BRINP1: variants seen among roughly 807,000 people sequenced by gnomAD.
The protein encoded by BRINP1 is BMP/retinoic acid inducible neural specific 1.
In BRINP1, 17 loss-of-function variants were observed where a neutral mutation model predicts 72.9. That is an observed-to-expected ratio of 0.23 (90% CI 0.16 to 0.35). The LOEUF is 0.35. BRINP1 is among the 10% of genes least tolerant of loss of function. The probability of loss-of-function intolerance (pLI) is 1.00; values close to 1 mark genes in which losing one functional copy is unlikely to be tolerated. For synonymous variants in BRINP1, 418 were observed against 378.5 expected, an observed-to-expected ratio of 1.10 and a Z score of -1.21; for missense variants, 850 against 1,001.6, an observed-to-expected ratio of 0.85 and a Z score of 2.04.
rs1243787614 is a variant in BRINP1, at chr9:119,175,322, GA to G, written c.1146-7099del. ...CACTAGTAAGTGGGAGTTGAACAAT[GA>G]GAACACATGGACACAGGGAGGGGAA... On this transcript the variant is annotated intron_variant, in intron 7 of 7. Coordinates refer to ENST00000265922, the MANE Select transcript of BRINP1 (RefSeq NM_014618.3). Among the ~76,000 whole-genome samples the G allele has an allele frequency of 4.6e-5, 7 of 151,908 alleles. No homozygotes were observed. In the East Asian group the frequency reaches 9.7e-4, roughly 21 times the overall value.
chr9:119,178,538 A>G lies in BRINP1; in HGVS notation c.1146-10314T>C, dbSNP rs146774442. Among the ~76,000 whole-genome samples, 574 of 152,326 alleles carry G rather than the reference A, an allele frequency of 3.8e-3. 5 individuals carry two copies. Among genetic ancestry groups the G allele is most frequent in the African/African-American group, 0.013 (522 of 41,572 alleles). ...CCAGCCAGTTCTCTCAGTAGTTATC[A>G]TGGATAGTCATAAACTCTACAAGGT... On this transcript the variant is annotated intron_variant, in intron 7 of 7. Transcript: ENST00000265922.
intron 5 of BRINP1, among the ~76,000 whole-genome samples, chr9:119,218,195 C>A (rs1340433180): frequency 2.2e-5 from 3 of 139,262 alleles, no homozygotes; most frequent in Non-Finnish European, 4.5e-5. Flanking sequence ...ATTTGTTGAT[C>A]AAATAAATAT....
chr9:119,259,672 T>C (rs1830479745), intron 2 of BRINP1, among the ~76,000 whole-genome samples: 1 of 152,246 alleles, frequency 6.6e-6, no homozygotes, highest in African/African-American at 2.4e-5. Context: ...TATGAATTTT[T>C]TCCTTTCAGA....
At chr9:119,251,863 A>C (rs1830393037) in intron 2 of BRINP1, among the ~76,000 whole-genome samples, 1 of 151,996 alleles carries the variant, frequency 6.6e-6, no homozygotes, top group Admixed American at 6.6e-5. Flanking sequence ...ACTCGTTTCT[A>C]ATTAATAGAA....
intron 5 of BRINP1, among the ~76,000 whole-genome samples, chr9:119,225,115 A>G (rs892374810): frequency 6.6e-6 from 1 of 152,088 alleles, no homozygotes; most frequent in African/African-American, 2.4e-5. Context: ...CATAGTAGTC[A>G]AAGGTGGAAA....
chr9:119,358,408 G>T (rs1334603921), intron 1 of BRINP1, among the ~76,000 whole-genome samples: 2 of 145,138 alleles, frequency 1.4e-5, no homozygotes, highest in African/African-American at 5.0e-5. Flanking sequence ...AAAAAAAAAG[G>T]AGAGTCCAGG....
intron 2 of BRINP1, among the ~76,000 whole-genome samples, chr9:119,284,888 G>A (rs1462229608): frequency 6.6e-6 from 1 of 152,024 alleles, no homozygotes; most frequent in Non-Finnish European, 1.5e-5. Flanking sequence ...AAATGATAAA[G>A]TCCTATAATG....
intron 1 of BRINP1, among the ~76,000 whole-genome samples, chr9:119,363,212 C>A (rs953018316): frequency 6.6e-6 from 1 of 152,140 alleles, no homozygotes; most frequent in Non-Finnish European, 1.5e-5. Flanking sequence ...AAGTGATTCT[C>A]CAACCTCGGC....
In BRINP1 at chr9:119,214,019, C is replaced by A. The variant is rs373574674; in HGVS notation, c.822G>T (p.Pro274=). Residue 274 remains proline, a synonymous_variant, in exon 6 of 8, where the codon CCG becomes CCT. Coordinates refer to ENST00000265922, the MANE Select transcript of BRINP1 (RefSeq NM_014618.3). The part of the protein sequence containing the change: ...QCRCQCAEEF[P]QCNCPITDIQ... The stretch of plus-strand genomic sequence containing the variant: ...TGTCCGTGATGGGGCAGTTGCACTG[C>A]GGAAACTCCTCGGCACATTGGCAGC... The A allele has an allele frequency of 1.2e-5, 20 of 1,614,110 alleles. No individual in the cohort carries two copies. Among genetic ancestry groups the A allele is most frequent in the South Asian group, 1.2e-4 (11 of 91,072 alleles).
chr9:119,174,278 CAAAT>C (rs1233097009), intron 7 of BRINP1, among the ~76,000 whole-genome samples: 29 of 150,922 alleles, frequency 1.9e-4, no homozygotes, highest in Middle Eastern at 3.4e-3. Flanking sequence ...AAGAAAAAAA[CAAAT>C]AACCCCATCA....
chr9:119,240,833 G>A (rs983358192), intron 4 of BRINP1, among the ~76,000 whole-genome samples: 42 of 152,168 alleles, frequency 2.8e-4, no homozygotes, highest in Admixed American at 5.9e-4. Context: ...TATCCTCACC[G>A]TTTTTCCCTA....
At chr9:119,195,780 A>T (rs1346906294) in intron 7 of BRINP1, among the ~76,000 whole-genome samples, 1 of 152,188 alleles carries the variant, frequency 6.6e-6, no homozygotes, top group Non-Finnish European at 1.5e-5. Flanking sequence ...CTCAAAGAAG[A>T]CTTACTGAAA....
intron 5 of BRINP1, among the ~76,000 whole-genome samples, chr9:119,222,574 A>G (rs1444142933): frequency 1.3e-5 from 2 of 152,112 alleles, no homozygotes; most frequent in Non-Finnish European, 2.9e-5. Flanking sequence ...TCAATAAGGC[A>G]TCCATCATGT....
At chr9:119,247,475 C>G (rs1830333080) in intron 3 of BRINP1, among the ~76,000 whole-genome samples, 2 of 149,894 alleles carry the variant, frequency 1.3e-5, no homozygotes, top group South Asian at 4.3e-4. Flanking sequence ...CACGGTGAAA[C>G]CCCGTCTCTA....
At chr9:119,290,504 G>A (rs1418419127) in intron 2 of BRINP1, among the ~76,000 whole-genome samples, 1 of 152,158 alleles carries the variant, frequency 6.6e-6, no homozygotes, top group Admixed American at 6.6e-5. Flanking sequence ...AAACAAACTG[G>A]TAGGGAAGGA....
At chr9:119,270,788 A>T (rs1220302785) in intron 2 of BRINP1, among the ~76,000 whole-genome samples, 1 of 152,146 alleles carries the variant, frequency 6.6e-6, no homozygotes, top group Non-Finnish European at 1.5e-5. Flanking sequence ...AAATGTAAAG[A>T]AGAAATATTA....
intron 7 of BRINP1, among the ~76,000 whole-genome samples, chr9:119,182,214 CA>C (rs1829565395): frequency 6.6e-6 from 1 of 152,114 alleles, no homozygotes; most frequent in African/African-American, 2.4e-5. Context: ...ACAACAACAT[CA>C]ACAAAACAAC....
chr9:119,206,087 C>A (rs1319134087), intron 7 of BRINP1, among the ~76,000 whole-genome samples: 1 of 152,064 alleles, frequency 6.6e-6, no homozygotes, highest in Non-Finnish European at 1.5e-5. Flanking sequence ...CCATTTAGGT[C>A]AGCTCTAATC....
rs115720466 is a variant in BRINP1 at position 119,195,553 on chromosome 9, G to A, written c.1145+13166C>T. 1.5e-3 allele frequency among the ~76,000 whole-genome samples: 224 copies of A among 152,282 alleles called. 2 individuals carry two copies. The highest frequency in any genetic ancestry group is 5.0e-3 in the African/African-American group (209 of 41,562). On this transcript the variant is annotated intron_variant, in intron 7 of 7. Transcript: ENST00000265922. ...AAACTTTAAAGTAATCTATACATAA[G>A]GTATTTGTCTTGGTAATAGTTTACT...
Sources: gnomAD v4.1 joint callset for allele counts (sites outside exome capture counted in the v4.1 genomes callset) on GRCh38, gnomAD v4.1.1 for gene constraint, MANE v1.5 for transcripts, NCBI Gene and HGNC (gene_info 2026-07-23, HGNC 2026-07-21) for gene names.